NAALADL2: variants seen among roughly 807,000 people sequenced by gnomAD.
NAALADL2 encodes N-acetylated alpha-linked acidic dipeptidase like 2, also known as inactive N-acetylated-alpha-linked acidic dipeptidase-like protein 2.
NAALADL2 carries 76 observed loss-of-function variants against 87.2 expected under a neutral mutation model. That is an observed-to-expected ratio of 0.87 (90% CI 0.72 to 1.05). NAALADL2 has a LOEUF of 1.05. NAALADL2 is among the 50% of genes least tolerant of loss of function. The probability of loss-of-function intolerance (pLI) is 0.00; values close to 1 mark genes in which losing one functional copy is unlikely to be tolerated. For synonymous variants in NAALADL2, 354 were observed against 331.0 expected (o/e 1.07, Z -0.75); for missense variants, 1,089 against 945.8 (o/e 1.15, Z -1.99).
intron 2 of NAALADL2, among the ~76,000 whole-genome samples, chr3:175,126,424 C>A (rs983081028): frequency 1.3e-5 from 2 of 152,074 alleles, no homozygotes; most frequent in Non-Finnish European, 2.9e-5. Flanking sequence ...GGCAATTTCA[C>A]TGATTTAGAG....
chr3:174,806,825 T>C lies in NAALADL2; in HGVS notation c.-9+69079T>C, dbSNP rs188549361. ...CTGATTTGACTATGACATATTTATG[T>C]AGTCCTTTCATTCTGTATTATAGTT... is the stretch of plus-strand genomic sequence containing the variant. On this transcript the variant is annotated intron_variant, in intron 3 of 3. Coordinates refer to the NAALADL2 transcript ENST00000434257. Among the ~76,000 whole-genome samples the C allele has an allele frequency of 3.4e-3, 515 of 152,286 alleles. 9 individuals are homozygous for C. Among genetic ancestry groups the C allele is most frequent in the Admixed American group, 0.029 (445 of 15,266 alleles).
intron 2 of NAALADL2, among the ~76,000 whole-genome samples, chr3:174,704,051 A>C (rs1729828723): frequency 6.6e-6 from 1 of 152,174 alleles, no homozygotes. Flanking sequence ...TCCTAACAAT[A>C]TTTATTCTAA....
intron 1 of NAALADL2, among the ~76,000 whole-genome samples, chr3:174,895,528 C>A (rs1731407018): frequency 6.6e-6 from 1 of 151,982 alleles, no homozygotes; most frequent in African/African-American, 2.4e-5. Flanking sequence ...GAGATGGTAG[C>A]CATAATACAA....
chr3:175,208,915 G>T (rs886322053), intron 2 of NAALADL2, among the ~76,000 whole-genome samples: 1 of 152,146 alleles, frequency 6.6e-6, no homozygotes, highest in African/African-American at 2.4e-5. Context: ...ATTTTAGAAT[G>T]TTTGCCTTCT....
At chr3:175,652,749 G>T (rs892823782) in intron 11 of NAALADL2, among the ~76,000 whole-genome samples, 2 of 152,062 alleles carry the variant, frequency 1.3e-5, no homozygotes, top group South Asian at 2.1e-4. Context: ...AAGTGCTGAG[G>T]ACTGTTTATT....
intron 2 of NAALADL2, among the ~76,000 whole-genome samples, chr3:175,177,153 C>G (rs1735804670): frequency 6.6e-6 from 1 of 152,002 alleles, no homozygotes; most frequent in African/African-American, 2.4e-5. Context: ...AATCTTTCTC[C>G]CCATATGCTC....
At chr3:174,724,978 T>G (rs1732050139) in intron 2 of NAALADL2, among the ~76,000 whole-genome samples, 1 of 152,192 alleles carries the variant, frequency 6.6e-6, no homozygotes, top group African/African-American at 2.4e-5. Flanking sequence ...AACCTGACTT[T>G]TCAAAAAAAT....
intron 1 of NAALADL2, among the ~76,000 whole-genome samples, chr3:175,011,305 A>G (rs527828710): frequency 1.3e-5 from 2 of 150,816 alleles, no homozygotes; most frequent in African/African-American, 4.9e-5. Flanking sequence ...AGAGAGAGAG[A>G]GAGAGAGAGA....
chr3:175,289,139 G>GCA (rs60830261), intron 4 of NAALADL2, among the ~76,000 whole-genome samples: 8 of 151,768 alleles, frequency 5.3e-5, no homozygotes, highest in Non-Finnish European at 1.5e-5. Context: ...GCAATAATTA[G>GCA]AAAAAAATTA....
Position 175,177,740 on chromosome 3 carries a change from A to T in NAALADL2, c.546-56191A>T, listed in dbSNP as rs865875081. On this transcript the variant is annotated intron_variant, in intron 2 of 13. Coordinates refer to ENST00000454872, the MANE Select transcript of NAALADL2 (RefSeq NM_207015.3). ...CTCCTCTAAATATTTTCATGTATGC[A>T]CGTATTTAATCCTTGCAACTACTCT... is the stretch of plus-strand genomic sequence containing the variant. Among the ~76,000 whole-genome samples, 70 of 152,016 alleles carry T rather than the reference A, an allele frequency of 4.6e-4. 1 individual carries two copies. The highest frequency in any genetic ancestry group is 1.3e-4 in the Non-Finnish European group (9 of 68,008).
At position 175,058,793 on chromosome 3, in the gene NAALADL2, A is replaced by G. The variant is rs545871040; in HGVS notation, c.44-37997A>G. ...TTAAACTATTTTCTCTACGGCAGCT[A>G]GAGTGTCACCTTTCAGCAGTATCCT... On this transcript the variant is annotated intron_variant, in intron 1 of 13. Coordinates refer to ENST00000454872, the MANE Select transcript of NAALADL2 (RefSeq NM_207015.3). 8.5e-5 allele frequency among the ~76,000 whole-genome samples: 13 copies of G among 152,332 alleles called. No homozygotes were observed. The South Asian group carries it at 2.7e-3, about 32-fold the overall frequency.
chr3:174,680,097 T>TA (rs10708127), intron 2 of NAALADL2, among the ~76,000 whole-genome samples: 1 of 151,860 alleles, frequency 6.6e-6, no homozygotes, highest in South Asian at 2.1e-4. Context: ...GTATTTTGTA[T>TA]AAAAAAAATG....
At chr3:175,732,240 AT>A (rs1177768523) in intron 11 of NAALADL2, among the ~76,000 whole-genome samples, 2 of 152,206 alleles carry the variant, frequency 1.3e-5, no homozygotes, top group African/African-American at 4.8e-5. Flanking sequence ...AGAAAAATGC[AT>A]AGTTATTTAT....
chr3:175,273,250 TTGTG>T (rs573174578), intron 4 of NAALADL2, among the ~76,000 whole-genome samples: 52 of 152,240 alleles, frequency 3.4e-4, no homozygotes, highest in African/African-American at 1.0e-3. Context: ...CTGCAGTTGT[TTGTG>T]TATTTATGTT....
intron 3 of NAALADL2, among the ~76,000 whole-genome samples, chr3:174,824,767 C>T (rs1218356944): frequency 6.6e-6 from 1 of 152,112 alleles, no homozygotes; most frequent in East Asian, 1.9e-4. Context: ...TATGTCTGTG[C>T]TTCGGTCACT....
intron 3 of NAALADL2, among the ~76,000 whole-genome samples, chr3:174,838,650 C>G (rs1025209399): frequency 6.6e-6 from 1 of 152,132 alleles, no homozygotes; most frequent in Admixed American, 6.5e-5. Flanking sequence ...GCAAAGTTTT[C>G]AGATACAAAA....
chr3:174,839,828 T>TA (rs530750377), intron 3 of NAALADL2, among the ~76,000 whole-genome samples: 14,544 of 146,824 alleles, frequency 0.099, 770 homozygotes, highest in Middle Eastern at 0.13. Context: ...ATGGCCATAA[T>TA]AAAAAAAAAA....
chr3:174,880,244 C>T (rs1729040458), intron 1 of NAALADL2, among the ~76,000 whole-genome samples: 1 of 152,044 alleles, frequency 6.6e-6, no homozygotes, highest in Non-Finnish European at 1.5e-5. Flanking sequence ...TCAAACTATG[C>T]TATACTCCTG....
chr3:175,657,087 A>G (rs1731576350), intron 11 of NAALADL2, among the ~76,000 whole-genome samples: 1 of 152,198 alleles, frequency 6.6e-6, no homozygotes, highest in African/African-American at 2.4e-5. Context: ...AGGTTGCCCA[A>G]ACTAGTATTT....
Sources: gnomAD v4.1 joint callset for allele counts (sites outside exome capture counted in the v4.1 genomes callset) on GRCh38, gnomAD v4.1.1 for gene constraint, MANE v1.5 for transcripts, NCBI Gene and HGNC (gene_info 2026-07-23, HGNC 2026-07-21) for gene names.